Variants in HS3ST2 observed in about 807,000 individuals in gnomAD.
HS3ST2 encodes the protein heparan sulfate-glucosamine 3-sulfotransferase 2.
A neutral mutation model predicts 26.3 loss-of-function variants in HS3ST2; 17 were observed. The ratio of observed to expected loss-of-function variants is 0.65; its 90% confidence interval spans 0.44 to 0.97. The LOEUF (loss-of-function observed/expected upper bound fraction) is 0.97, where lower values mean the gene tolerates loss of function less well. Among genes scored for constraint, HS3ST2 ranks in the 50% least tolerant of loss-of-function variants. The pLI, the probability that HS3ST2 is intolerant of heterozygous loss-of-function variation, is 0.00. For synonymous variants in HS3ST2, 237 were observed against 219.2 expected (o/e 1.08, Z -0.72); for missense variants, 402 against 501.2 (o/e 0.80, Z 1.89).
intron 1 of HS3ST2, among the ~76,000 whole-genome samples, chr16:22,878,981 C>A (rs1013882686): frequency 6.6e-6 from 1 of 152,162 alleles, no homozygotes; most frequent in Non-Finnish European, 1.5e-5. Context: ...GGTCTCCTGG[C>A]GTTTGCCGAA....
intron 1 of HS3ST2, among the ~76,000 whole-genome samples, chr16:22,888,733 T>C (rs1289434235): frequency 6.6e-6 from 1 of 152,200 alleles, no homozygotes; most frequent in African/African-American, 2.4e-5. Flanking sequence ...ATTTGCTCCT[T>C]CTGGAAACTA....
intron 1 of HS3ST2, among the ~76,000 whole-genome samples, chr16:22,829,561 A>T (rs932376039): frequency 6.6e-6 from 1 of 152,176 alleles, no homozygotes; most frequent in Non-Finnish European, 1.5e-5. Context: ...ACTGATTCAT[A>T]ACTGTTATAG....
At chr16:22,888,098 G>A (rs1305880387) in intron 1 of HS3ST2, among the ~76,000 whole-genome samples, 2 of 152,218 alleles carry the variant, frequency 1.3e-5, no homozygotes, top group Non-Finnish European at 2.9e-5. Flanking sequence ...GTGGTAACTG[G>A]CTTAACAGCA....
At chr16:22,907,877 C>T (rs1169409204) in intron 1 of HS3ST2, among the ~76,000 whole-genome samples, 1 of 152,140 alleles carries the variant, frequency 6.6e-6, no homozygotes, top group Non-Finnish European at 1.5e-5. Context: ...GTGGCTCACA[C>T]CTGTAATCCC....
Position 22,822,562 on chromosome 16 carries a change from C to T in HS3ST2, c.485+7467C>T, listed in dbSNP as rs896563488. Among the ~76,000 whole-genome samples, 125 of 152,054 alleles carry T rather than the reference C, an allele frequency of 8.2e-4. 2 individuals are homozygous for T. Among genetic ancestry groups the T allele is most frequent in the Admixed American group, 4.0e-3 (61 of 15,246 alleles). On this transcript the variant is annotated intron_variant, in intron 1 of 1. Transcript: ENST00000261374. ...TTCAGTTTATATATTTTAGAATAGA[C>T]AAGATATTCAGCTGGGTGCAGTGGC...
At chr16:22,833,934 AC>A (rs146331930) in intron 1 of HS3ST2, among the ~76,000 whole-genome samples, 4,814 of 151,566 alleles carry the variant, frequency 0.032, 250 homozygotes, top group African/African-American at 0.11. Flanking sequence ...AGCTAAAAAA[AC>A]AAAACAAAAC....
chr16:22,822,631 A>G (rs1341782075), intron 1 of HS3ST2, among the ~76,000 whole-genome samples: 1 of 152,148 alleles, frequency 6.6e-6, no homozygotes, highest in East Asian at 1.9e-4. Context: ...AGGCAGGTGG[A>G]TCACCTGAGG....
intron 1 of HS3ST2, among the ~76,000 whole-genome samples, chr16:22,884,508 G>A (rs973107635): frequency 6.6e-6 from 1 of 152,010 alleles, no homozygotes; most frequent in Non-Finnish European, 1.5e-5. Context: ...ATCCATAATA[G>A]AAGGAGCTTC....
At chr16:22,828,120 A>G (rs144659678) in intron 1 of HS3ST2, among the ~76,000 whole-genome samples, 1 of 152,264 alleles carries the variant, frequency 6.6e-6, no homozygotes, top group African/African-American at 2.4e-5. Flanking sequence ...GGTCCTGTCT[A>G]TCATAGACGT....
At position 22,896,348 on chromosome 16, in the gene HS3ST2, G is replaced by T. The variant is rs547812871; in HGVS notation, c.486-18596G>T. Among the ~76,000 whole-genome samples the T allele has an allele frequency of 2.0e-5, 3 of 152,288 alleles. No individual in the cohort carries two copies. In the East Asian group the frequency reaches 5.8e-4, roughly 29 times the overall value. On this transcript the variant is annotated intron_variant, in intron 1 of 1. Coordinates refer to ENST00000261374, the MANE Select transcript of HS3ST2 (RefSeq NM_006043.2). ...ACTTTTCTTTTGCCTTCACAGGCAC[G>T]TTAGCTCTCGGATGTGGGTTTTATT... is the stretch of plus-strand genomic sequence containing the variant.
At chr16:22,882,221 G>A (rs1226168066) in intron 1 of HS3ST2, among the ~76,000 whole-genome samples, 1 of 152,080 alleles carries the variant, frequency 6.6e-6, no homozygotes, top group East Asian at 1.9e-4. Flanking sequence ...AATTGGCCAG[G>A]CATGGCGGTG....
chr16:22,860,171 A>G (rs925570146), intron 1 of HS3ST2, among the ~76,000 whole-genome samples: 5 of 152,204 alleles, frequency 3.3e-5, no homozygotes, highest in Admixed American at 2.0e-4. Flanking sequence ...TAAAGGAAAG[A>G]GGTTTAATGG....
At chr16:22,839,233 C>T (rs987053159) in intron 1 of HS3ST2, among the ~76,000 whole-genome samples, 9 of 152,150 alleles carry the variant, frequency 5.9e-5, no homozygotes, top group Non-Finnish European at 1.0e-4. Flanking sequence ...ATGCACCAGA[C>T]GGGATGGGGC....
At chr16:22,831,119 T>G (rs1470096794) in intron 1 of HS3ST2, among the ~76,000 whole-genome samples, 1 of 152,228 alleles carries the variant, frequency 6.6e-6, no homozygotes, top group Non-Finnish European at 1.5e-5. Flanking sequence ...AATGAAGACT[T>G]TCTCCATGAT....
chr16:22,834,688 C>T (rs555848004), intron 1 of HS3ST2, among the ~76,000 whole-genome samples: 1 of 151,782 alleles, frequency 6.6e-6, no homozygotes, highest in African/African-American at 2.4e-5. Context: ...AAAAAGTATC[C>T]ATTTTTTGAT....
chr16:22,872,530 T>C (rs4459532), intron 1 of HS3ST2, among the ~76,000 whole-genome samples: 15,837 of 152,176 alleles, frequency 0.1, 1,391 homozygotes, highest in East Asian at 0.34. Context: ...ACACTGGACC[T>C]GTATTCCTGC....
In HS3ST2 at chr16:22,814,997, C is replaced by T. The variant is rs1900840718; in HGVS notation, c.387C>T (p.Ala129=). The T allele has an allele frequency of 1.5e-5, 25 of 1,613,088 alleles. No individual in the cohort carries two copies. Among genetic ancestry groups the T allele is most frequent in the African/African-American group, 2.7e-5 (2 of 75,072 alleles). The part of the protein sequence containing the change: ...IVGVKKGGTR[A]VLEFIRVHPD... ...GCGTGAAGAAGGGGGGCACCCGGGC[C>T]GTGCTGGAGTTTATCCGAGTACACC... is the stretch of plus-strand genomic sequence containing the variant. The change falls in exon 1 of 2, where the codon GCC becomes GCT. Residue 129 remains alanine, a synonymous_variant. Coordinates refer to ENST00000261374, the MANE Select transcript of HS3ST2 (RefSeq NM_006043.2).
At chr16:22,827,245 A>C (rs1253169841) in intron 1 of HS3ST2, among the ~76,000 whole-genome samples, 1 of 152,154 alleles carries the variant, frequency 6.6e-6, no homozygotes, top group Non-Finnish European at 1.5e-5. Context: ...GTGCCCAAGA[A>C]GTGCACAAGG....
intron 1 of HS3ST2, among the ~76,000 whole-genome samples, chr16:22,840,766 G>A (rs1395275297): frequency 1.3e-5 from 2 of 152,136 alleles, no homozygotes; most frequent in South Asian, 2.1e-4. Flanking sequence ...AATGTCAGTG[G>A]TTCTGGAGTA....
Sources: allele counts gnomAD v4.1 joint callset (sites outside exome capture counted in the v4.1 genomes callset), GRCh38; gene constraint gnomAD v4.1.1; transcripts MANE v1.5; gene names NCBI Gene and HGNC (gene_info 2026-07-23, HGNC 2026-07-21).